The following TENM3 variants were observed in gnomAD, a reference collection of about 807,000 sequenced individuals.
TENM3 encodes the protein teneurin-3.
In TENM3, 63 loss-of-function variants were observed where a neutral mutation model predicts 255.1. The observed-to-expected ratio is 0.25, with a 90% CI of 0.20 to 0.30. The LOEUF is 0.30. Ranked by LOEUF, TENM3 falls within the 10% of genes least tolerant of loss-of-function variation. The pLI, the probability that TENM3 is intolerant of heterozygous loss-of-function variation, is 1.00. For synonymous variants in TENM3, 1,306 were observed against 1,322.3 expected, an observed-to-expected ratio of 0.99 and a Z score of 0.27; for missense variants, 2,929 against 3,461.1, an observed-to-expected ratio of 0.85 and a Z score of 3.86.
chr4:181,921,238 A>C, the TENM3 span, among the ~76,000 whole-genome samples: 1 of 152,114 alleles, frequency 6.6e-6, no homozygotes, highest in Admixed American at 6.6e-5. Flanking sequence ...GTTCCATATG[A>C]ACTTTAAAAT....
chr4:182,098,267 C>T, the TENM3 span, among the ~76,000 whole-genome samples: 10 of 152,218 alleles, frequency 6.6e-5, no homozygotes, highest in East Asian at 1.9e-3. Context: ...GTATGAAGAA[C>T]AGGATGGAGG....
intron 6 of TENM3, among the ~76,000 whole-genome samples, chr4:182,668,853 CAT>C (rs1485824200): frequency 6.6e-6 from 1 of 152,032 alleles, no homozygotes; most frequent in Non-Finnish European, 1.5e-5. Flanking sequence ...CTTGGGTAAA[CAT>C]AATGTTTTGG....
chr4:182,678,291 C>G (rs1310550327), intron 7 of TENM3, among the ~76,000 whole-genome samples: 3 of 152,116 alleles, frequency 2.0e-5, no homozygotes, highest in Non-Finnish European at 2.9e-5. Context: ...TTTAAACTCT[C>G]CAGTCACCAA....
rs1312471885 is a variant in TENM3, at chr4:182,323,926, C to T, written c.-75-20C>T. The T allele has an allele frequency of 4.6e-6, 5 of 1,078,664 alleles. No homozygotes were observed. Among genetic ancestry groups the T allele is most frequent in the Non-Finnish European group, 6.8e-6 (5 of 733,114 alleles). 66.8% of individuals were successfully genotyped at this position (1,078,664 alleles called of 1,614,324 possible). ...AGGTGAACGTCATGCTGACCTCATG[C>T]AAACCTTGTATCTTCACAGAGAGGC... On this transcript the variant is annotated intron_variant, in intron 1 of 27. Transcript: ENST00000511685.
chr4:182,091,103 C>A, the TENM3 span, among the ~76,000 whole-genome samples: 1 of 152,092 alleles, frequency 6.6e-6, no homozygotes, highest in East Asian at 1.9e-4. Context: ...TATCAGTTGA[C>A]CGAGTTTCAG....
chr4:181,723,639 C>T, the TENM3 span, among the ~76,000 whole-genome samples: 1 of 151,728 alleles, frequency 6.6e-6, no homozygotes, highest in Non-Finnish European at 1.5e-5. Context: ...TTATGTATGA[C>T]CAGTTTTTGT....
At chr4:182,418,631 G>A (rs534711028) in intron 3 of TENM3, among the ~76,000 whole-genome samples, 1 of 152,292 alleles carries the variant, frequency 6.6e-6, no homozygotes, top group South Asian at 2.1e-4. Context: ...CACTATCACA[G>A]CTCAAGGCAG....
intron 3 of TENM3, among the ~76,000 whole-genome samples, chr4:182,349,076 A>G (rs983498568): frequency 6.6e-6 from 1 of 152,198 alleles, no homozygotes; most frequent in Non-Finnish European, 1.5e-5. Flanking sequence ...CTTGCCTTGA[A>G]ATTCAGAACA....
At chr4:182,797,772 G>T (rs1221594834) in intron 27 of TENM3, among the ~76,000 whole-genome samples, 1 of 152,128 alleles carries the variant, frequency 6.6e-6, no homozygotes, top group Non-Finnish European at 1.5e-5. Context: ...AGAAGACAGT[G>T]CAGACTTTCT....
chr4:182,740,869 A>T (rs915241131), intron 18 of TENM3, among the ~76,000 whole-genome samples: 3 of 152,214 alleles, frequency 2.0e-5, no homozygotes, highest in Non-Finnish European at 2.9e-5. Flanking sequence ...TCAAAAAAAA[A>T]TGTTCTAAAT....
intron 6 of TENM3, among the ~76,000 whole-genome samples, chr4:182,672,496 C>T (rs968165505): frequency 6.6e-6 from 1 of 152,176 alleles, no homozygotes; most frequent in African/African-American, 2.4e-5. Context: ...TGATGTTTTT[C>T]ATTCATCCTA....
intron 1 of TENM3, among the ~76,000 whole-genome samples, chr4:182,234,589 G>A (rs768613888): frequency 2.6e-5 from 4 of 151,996 alleles, no homozygotes; most frequent in Admixed American, 1.3e-4. Context: ...AAAATTAGCC[G>A]GGCGTGGTGG....
chr4:181,506,720 C>A, the TENM3 span, among the ~76,000 whole-genome samples: 2 of 151,604 alleles, frequency 1.3e-5, no homozygotes, highest in Admixed American at 1.3e-4. Context: ...AATCTTACAC[C>A]GTGGTTCCAA....
the TENM3 span, among the ~76,000 whole-genome samples, chr4:181,511,637 C>T: frequency 2.0e-5 from 3 of 152,236 alleles, no homozygotes; most frequent in South Asian, 6.2e-4. Context: ...TACATACATT[C>T]ATTTATTTAT....
At chr4:182,360,547 T>G (rs1231001514) in intron 3 of TENM3, among the ~76,000 whole-genome samples, 3 of 151,988 alleles carry the variant, frequency 2.0e-5, no homozygotes, top group South Asian at 2.1e-4. Context: ...TTGCAACCCC[T>G]GCCTTTTTTT....
chr4:182,390,581 T>G (rs1056334418), intron 3 of TENM3, among the ~76,000 whole-genome samples: 1 of 152,168 alleles, frequency 6.6e-6, no homozygotes, highest in African/African-American at 2.4e-5. Flanking sequence ...AAAATGTGGT[T>G]GCAGAAGGTT....
At chr4:182,192,871 T>C (rs1350941059) in intron 1 of TENM3, among the ~76,000 whole-genome samples, 6 of 152,226 alleles carry the variant, frequency 3.9e-5, no homozygotes, top group African/African-American at 1.4e-4. Context: ...ATCTTTCTTC[T>C]GCATGCCAGC....
the TENM3 span, among the ~76,000 whole-genome samples, chr4:182,103,398 G>T: frequency 6.6e-6 from 1 of 152,208 alleles, no homozygotes; most frequent in African/African-American, 2.4e-5. Context: ...CAGAAAAACA[G>T]AATTTTACAT....
chr4:182,557,699 T>C lies in TENM3; in HGVS notation c.512-43225T>C, dbSNP rs540005557. On this transcript the variant is annotated intron_variant, in intron 3 of 27. Coordinates refer to ENST00000511685, the MANE Select transcript of TENM3 (RefSeq NM_001080477.4). The stretch of plus-strand genomic sequence containing the variant: ...GTTCAGACCACACAGTCTCCCTTTC[T>C]GCATCCCACAGATTCTCATCTGTGC... Among the ~76,000 whole-genome samples, 4 of 152,288 alleles carry C rather than the reference T, an allele frequency of 2.6e-5. No individual in the cohort carries two copies. In the South Asian group the frequency reaches 8.3e-4, roughly 32 times the overall value.
Sources: allele counts gnomAD v4.1 joint callset (sites outside exome capture counted in the v4.1 genomes callset), GRCh38; gene constraint gnomAD v4.1.1; transcripts MANE v1.5; gene names NCBI Gene and HGNC (gene_info 2026-07-23, HGNC 2026-07-21).